Variants in BNC2 observed in about 807,000 individuals in gnomAD.
BNC2 encodes the protein basonuclin zinc finger protein 2.
Under a neutral mutation model 76.3 loss-of-function variants are expected in BNC2, and 20 were observed. The observed-to-expected ratio is 0.26, with a 90% CI of 0.18 to 0.38. The LOEUF is 0.38. BNC2 is among the 10% of genes least tolerant of loss of function. The probability of loss-of-function intolerance (pLI) is 1.00; values close to 1 mark genes in which losing one functional copy is unlikely to be tolerated. For missense variants in BNC2, 1,382 were observed against 1,399.8 expected, an observed-to-expected ratio of 0.99 and a Z score of 0.20; for synonymous variants, 582 against 514.8, an observed-to-expected ratio of 1.13 and a Z score of -1.77.
At chr9:16,655,028 T>C (rs1162801616) in intron 3 of BNC2, among the ~76,000 whole-genome samples, 1 of 151,656 alleles carries the variant, frequency 6.6e-6, no homozygotes, top group Non-Finnish European at 1.5e-5. Context: ...ATAACTGTGG[T>C]TTAACAACAG....
chr9:16,472,169 C>T (rs1821840304), intron 5 of BNC2, among the ~76,000 whole-genome samples: 1 of 152,188 alleles, frequency 6.6e-6, no homozygotes. Flanking sequence ...CCAAAGGCCT[C>T]ACAAGCACTA....
intron 3 of BNC2, among the ~76,000 whole-genome samples, chr9:16,725,965 G>A (rs558549426): frequency 4.9e-5 from 7 of 142,554 alleles, no homozygotes; most frequent in Non-Finnish European, 9.0e-5. Flanking sequence ...AGAGGGAGAC[G>A]TAAGCCAATC....
At chr9:16,503,431 G>A (rs957298062) in intron 5 of BNC2, among the ~76,000 whole-genome samples, 3 of 151,840 alleles carry the variant, frequency 2.0e-5, no homozygotes, top group Admixed American at 6.6e-5. Flanking sequence ...ACTCATTTTT[G>A]TTTCCCTAAG....
intron 1 of BNC2, among the ~76,000 whole-genome samples, chr9:16,766,116 G>T (rs1825686687): frequency 1.3e-5 from 2 of 152,108 alleles, no homozygotes; most frequent in African/African-American, 4.8e-5. Context: ...ACCCTGTTAG[G>T]TCTCCATATT....
intron 4 of BNC2, among the ~76,000 whole-genome samples, chr9:16,561,017 T>G (rs1003659234): frequency 1.3e-5 from 2 of 151,896 alleles, no homozygotes; most frequent in African/African-American, 4.8e-5. Flanking sequence ...CACTTTGGGA[T>G]CACCAGAGGT....
At chr9:16,738,723 C>A (rs576740767) in intron 1 of BNC2, among the ~76,000 whole-genome samples, 1 of 152,250 alleles carries the variant, frequency 6.6e-6, no homozygotes, top group Non-Finnish European at 1.5e-5. Context: ...AATGGATACA[C>A]TTTTGCCCTG....
At chr9:16,421,705 A>G (rs1010834226) in intron 6 of BNC2, among the ~76,000 whole-genome samples, 4 of 152,192 alleles carry the variant, frequency 2.6e-5, no homozygotes, top group Non-Finnish European at 5.9e-5. Flanking sequence ...GCAGGTTGCT[A>G]AGCAAAGTGC....
At chr9:16,762,059 A>C (rs553346497) in intron 1 of BNC2, among the ~76,000 whole-genome samples, 1 of 152,318 alleles carries the variant, frequency 6.6e-6, no homozygotes, top group South Asian at 2.1e-4. Flanking sequence ...TGTTAAGATA[A>C]AGGACAGGGT....
chr9:16,860,759 G>A (rs189206232), intron 1 of BNC2, among the ~76,000 whole-genome samples: 3 of 152,212 alleles, frequency 2.0e-5, no homozygotes, highest in African/African-American at 4.8e-5. Flanking sequence ...AAAGACAGCC[G>A]GGGCTGGGCG....
At chr9:16,536,286 G>T in intron 5 of BNC2, among the ~76,000 whole-genome samples, 1 of 152,072 alleles carries the variant, frequency 6.6e-6, no homozygotes, top group African/African-American at 2.4e-5. Flanking sequence ...AATGGACTTT[G>T]TTAAAGGCAT....
intron 3 of BNC2, chr9:16,699,083 G>T: frequency 2.4e-6 from 1 of 416,602 alleles, no homozygotes; most frequent in East Asian, 7.7e-5. Context: ...AGTTACTTTT[G>T]GTTTGGGTAG....
At chr9:16,753,667 A>G (rs1354155730) in intron 1 of BNC2, among the ~76,000 whole-genome samples, 2 of 152,214 alleles carry the variant, frequency 1.3e-5, no homozygotes, top group Non-Finnish European at 2.9e-5. Flanking sequence ...TTTGTTAGAC[A>G]ATAAAAGCAT....
At chr9:16,734,270 G>T (rs1034772043) in intron 2 of BNC2, among the ~76,000 whole-genome samples, 1 of 152,150 alleles carries the variant, frequency 6.6e-6, no homozygotes, top group Non-Finnish European at 1.5e-5. Flanking sequence ...GCTTCTGTAC[G>T]TCTTCCTCTT....
At chr9:16,799,596 C>T (rs1398259962) in intron 1 of BNC2, among the ~76,000 whole-genome samples, 1 of 152,056 alleles carries the variant, frequency 6.6e-6, no homozygotes, top group Non-Finnish European at 1.5e-5. Context: ...TTTCTTCAGG[C>T]AATAACAAGA....
intron 1 of BNC2, among the ~76,000 whole-genome samples, chr9:16,854,387 A>G (rs1472577854): frequency 6.6e-6 from 1 of 152,222 alleles, no homozygotes; most frequent in Non-Finnish European, 1.5e-5. Flanking sequence ...GACACAGAAA[A>G]CAGATACAGA....
At chr9:16,695,299 CTTTATT>C (rs1305800249) in intron 3 of BNC2, among the ~76,000 whole-genome samples, 1 of 151,944 alleles carries the variant, frequency 6.6e-6, no homozygotes. Context: ...TTTTCTTTTT[CTTTATT>C]TTTATTTTTG....
chr9:16,503,831 G>A (rs1219823958), intron 5 of BNC2, among the ~76,000 whole-genome samples: 1 of 151,978 alleles, frequency 6.6e-6, no homozygotes, highest in Non-Finnish European at 1.5e-5. Context: ...GCAATTATGT[G>A]GGCCTCTTCA....
chr9:16,465,610 T>G (rs1202549424), intron 5 of BNC2, among the ~76,000 whole-genome samples: 1 of 152,112 alleles, frequency 6.6e-6, no homozygotes, highest in Non-Finnish European at 1.5e-5. Context: ...ATACACGTAC[T>G]TACAATACTA....
At chr9:16,593,257 T>C (rs953350885) in intron 3 of BNC2, among the ~76,000 whole-genome samples, 2 of 152,258 alleles carry the variant, frequency 1.3e-5, no homozygotes, top group East Asian at 3.9e-4. Flanking sequence ...CATATGTTTA[T>C]ATATGAGTGT....
Sources: gnomAD v4.1 joint callset for allele counts (sites outside exome capture counted in the v4.1 genomes callset) on GRCh38, gnomAD v4.1.1 for gene constraint, MANE v1.5 for transcripts, NCBI Gene and HGNC (gene_info 2026-07-23, HGNC 2026-07-21) for gene names.